Variants in PCDHA11 observed in about 807,000 individuals in gnomAD.
PCDHA11 encodes the protein protocadherin alpha 11.
In PCDHA11, 61 loss-of-function variants were observed where a neutral mutation model predicts 70.3. That is an observed-to-expected ratio of 0.87 (90% CI 0.71 to 1.07). PCDHA11 has a LOEUF of 1.07. PCDHA11 is among the 50% of genes least tolerant of loss of function. The probability of loss-of-function intolerance (pLI) is 0.00; values close to 1 mark genes in which losing one functional copy is unlikely to be tolerated. For missense variants in PCDHA11, 1,324 were observed against 1,237.5 expected (o/e 1.07, Z -1.05); for synonymous variants, 633 against 555.1 (o/e 1.14, Z -1.97).
At chr5:140,892,623 C>T (rs2153438758) in intron 1 of PCDHA11, among the ~76,000 whole-genome samples, 1 of 152,114 alleles carries the variant, frequency 6.6e-6, no homozygotes, top group East Asian at 1.9e-4. Flanking sequence ...CCAGTTGGTA[C>T]ATAATAATTG....
intron 1 of PCDHA11, among the ~76,000 whole-genome samples, chr5:140,936,341 A>G (rs954946684): frequency 7.2e-5 from 11 of 152,172 alleles, no homozygotes; most frequent in African/African-American, 2.7e-4. Flanking sequence ...CTCTATCTGC[A>G]TATATGGAAT....
intron 1 of PCDHA11, among the ~76,000 whole-genome samples, chr5:140,951,992 A>G (rs1469467629): frequency 6.6e-6 from 1 of 152,212 alleles, no homozygotes; most frequent in Non-Finnish European, 1.5e-5. Flanking sequence ...AAAACCAGCC[A>G]AAAGAAAGAA....
chr5:140,987,789 G>T (rs1356794638), intron 3 of PCDHA11, among the ~76,000 whole-genome samples: 2 of 152,136 alleles, frequency 1.3e-5, no homozygotes, highest in African/African-American at 4.8e-5. Context: ...CTATAGAGAA[G>T]ATTTTTTTAA....
chr5:140,869,359 G>A lies in PCDHA11; in HGVS notation c.256G>A (p.Val86Met). The A allele has an allele frequency of 6.2e-7, 1 of 1,614,110 alleles. No individual in the cohort carries two copies. The highest frequency in any genetic ancestry group is 8.5e-7 in the Non-Finnish European group (1 of 1,180,046). ...EVNLQNGILF[V>M]NSRIDREELC... ...AAATCTGCAGAATGGCATTTTGTTT[G>A]TGAATTCTCGGATCGACCGCGAGGA... Residue 86 changes from valine to methionine, a missense_variant, in exon 1 of 4, where the codon GTG (valine) becomes ATG (methionine). Physicochemically the swap from Val to Met is conservative, Grantham distance 21 (BLOSUM62 1). Transcript: ENST00000398640.
intron 1 of PCDHA11, chr5:140,966,342 T>G: frequency 2.5e-6 from 1 of 395,470 alleles, no homozygotes; most frequent in Non-Finnish European, 4.4e-6. Flanking sequence ...AGGTCCAGGG[T>G]GAAGGAGATG....
intron 1 of PCDHA11, among the ~76,000 whole-genome samples, chr5:140,918,678 A>G (rs2078806155): frequency 6.6e-6 from 1 of 152,098 alleles, no homozygotes; most frequent in South Asian, 2.1e-4. Context: ...AAGAGGTGAG[A>G]CCTTTCAAAC....
intron 3 of PCDHA11, among the ~76,000 whole-genome samples, chr5:141,003,829 A>G (rs1220753607): frequency 1.3e-5 from 2 of 152,184 alleles, no homozygotes; most frequent in Admixed American, 6.5e-5. Flanking sequence ...GGCTCTGCCT[A>G]ACGATTCAGA....
At chr5:140,926,737 C>T (rs2083513630) in intron 1 of PCDHA11, 3 of 1,153,842 alleles carry the variant, frequency 2.6e-6, no homozygotes, top group Non-Finnish European at 3.4e-6. Flanking sequence ...GTTCGGGAGG[C>T]GCAACGTCGG....
chr5:140,933,522 T>A (rs1399438253), intron 1 of PCDHA11, among the ~76,000 whole-genome samples: 3 of 152,066 alleles, frequency 2.0e-5, no homozygotes, highest in Non-Finnish European at 4.4e-5. Flanking sequence ...AGCTGTTTTG[T>A]TTAAACTCAA....
intron 3 of PCDHA11, among the ~76,000 whole-genome samples, chr5:140,993,767 G>A (rs115607244): frequency 3.3e-5 from 5 of 152,010 alleles, no homozygotes; most frequent in Non-Finnish European, 7.4e-5. Context: ...TTACAATTGC[G>A]CAGTATTTTG....
intron 1 of PCDHA11, chr5:140,967,190 AACG>A (rs781897780): frequency 6.2e-7 from 1 of 1,613,418 alleles, no homozygotes; most frequent in Non-Finnish European, 8.5e-7. Context: ...ATTGGACATC[AACG>A]ACAACTCACC....
At chr5:140,929,122 G>A (rs782041922) in intron 1 of PCDHA11, 24 of 1,614,096 alleles carry the variant, frequency 1.5e-5, no homozygotes, top group Non-Finnish European at 1.8e-5. Flanking sequence ...CACCATAGAT[G>A]TCACTACAGT....
At chr5:140,999,263 A>G (rs566864160) in intron 3 of PCDHA11, among the ~76,000 whole-genome samples, 3 of 152,346 alleles carry the variant, frequency 2.0e-5, no homozygotes, top group East Asian at 1.9e-4. Context: ...TAGTAAAGGA[A>G]TACTGCATAG....
intron 1 of PCDHA11, among the ~76,000 whole-genome samples, chr5:140,943,588 T>C (rs1179171934): frequency 1.3e-5 from 2 of 152,176 alleles, no homozygotes; most frequent in Non-Finnish European, 2.9e-5. Context: ...TGAGTGGGGC[T>C]GAATTCTAAA....
intron 1 of PCDHA11, among the ~76,000 whole-genome samples, chr5:140,932,490 A>G (rs1330943965): frequency 6.6e-6 from 1 of 151,852 alleles, no homozygotes; most frequent in South Asian, 2.1e-4. Context: ...CCTCTTTGCA[A>G]TGTCATTTGT....
chr5:140,920,801 G>A (rs1303863265), intron 1 of PCDHA11, among the ~76,000 whole-genome samples: 2 of 148,716 alleles, frequency 1.3e-5, no homozygotes, highest in Non-Finnish European at 3.0e-5. Context: ...CCAAGATCAC[G>A]CCACTGCACT....
intron 1 of PCDHA11, chr5:140,967,449 C>T (rs2096141880): frequency 1.2e-6 from 2 of 1,613,586 alleles, no homozygotes; most frequent in Non-Finnish European, 1.7e-6. Context: ...CTGGTTCTCA[C>T]AGCCGTGGAT....
At position 141,010,340 on chromosome 5, in the gene PCDHA11, C is replaced by T. The variant is rs1400539624; in HGVS notation, c.*403C>T. 2 of 1,533,798 alleles carry T rather than the reference C, an allele frequency of 1.3e-6. No homozygotes were observed. Among genetic ancestry groups the T allele is most frequent in the Non-Finnish European group, 1.8e-6 (2 of 1,140,544 alleles). On this transcript the variant is annotated 3_prime_UTR_variant, in exon 4 of 4. Coordinates refer to ENST00000398640, the MANE Select transcript of PCDHA11 (RefSeq NM_018902.5). ...TGAGCAGCTTGGGAGTTTGTGGCCA[C>T]TGGGTATGTGTGGCTACCGCGGGTA...
chr5:140,925,151 T>G (rs1378736882), intron 1 of PCDHA11, among the ~76,000 whole-genome samples: 3 of 151,748 alleles, frequency 2.0e-5, no homozygotes, highest in African/African-American at 7.3e-5. Context: ...ACACAAAAGT[T>G]GAGAGAATTG....
Sources: allele counts gnomAD v4.1 joint callset (sites outside exome capture counted in the v4.1 genomes callset), GRCh38; gene constraint gnomAD v4.1.1; transcripts MANE v1.5; gene names NCBI Gene and HGNC (gene_info 2026-07-23, HGNC 2026-07-21).